Variants in GABRB3 observed in about 807,000 individuals in gnomAD.
The protein encoded by GABRB3 is gamma-aminobutyric acid type A receptor subunit beta3.
GABRB3 carries 14 observed loss-of-function variants against 52.1 expected under a neutral mutation model. The ratio of observed to expected loss-of-function variants is 0.27; its 90% CI spans 0.18 to 0.42. The LOEUF is 0.42. GABRB3 is among the 10% of genes least tolerant of loss of function. The pLI is 1.00. For synonymous variants in GABRB3, 260 were observed against 232.3 expected, an observed-to-expected ratio of 1.12 and a Z score of -1.08; for missense variants, 307 against 609.1, an observed-to-expected ratio of 0.50 and a Z score of 5.22.
rs1399353384 is a variant in GABRB3 at position 26,669,726 on chromosome 15, T to C, written c.241-48192A>G. On this transcript the variant is annotated intron_variant, in intron 3 of 8. Transcript: ENST00000311550. ...TTTCTCTTGGCTACTTAAATACTGG[T>C]CCAAGACTTCCTATTTCTGCTGTCT... is the stretch of plus-strand genomic sequence containing the variant. Among the ~76,000 whole-genome samples, 6 of 152,156 alleles carry C rather than the reference T, an allele frequency of 3.9e-5. No homozygotes were observed. The East Asian group carries it at 9.6e-4, about 24-fold the overall frequency.
At chr15:26,637,873 T>C (rs73368373) in intron 3 of GABRB3, among the ~76,000 whole-genome samples, 3,497 of 152,176 alleles carry the variant, frequency 0.023, 147 homozygotes, top group African/African-American at 0.079. Context: ...TTCAGCCCTC[T>C]GCTTGGAGGA....
intron 4 of GABRB3, among the ~76,000 whole-genome samples, chr15:26,584,371 G>A (rs952873062): frequency 4.6e-5 from 7 of 152,204 alleles, no homozygotes; most frequent in African/African-American, 7.2e-5. Flanking sequence ...GACTTTCCAC[G>A]GGAAGTGTTA....
intron 3 of GABRB3, among the ~76,000 whole-genome samples, chr15:26,673,241 T>G (rs565436122): frequency 6.6e-6 from 1 of 152,288 alleles, no homozygotes; most frequent in African/African-American, 2.4e-5. Context: ...CTTTTTTCCT[T>G]TCTTTCCTTC....
intron 3 of GABRB3, among the ~76,000 whole-genome samples, chr15:26,644,081 C>T (rs560407106): frequency 5.3e-5 from 8 of 152,266 alleles, no homozygotes; most frequent in Admixed American, 1.3e-4. Context: ...GGCCTACCAG[C>T]GGTTGCAGGG....
intron 3 of GABRB3, among the ~76,000 whole-genome samples, chr15:26,735,577 TAGTC>T (rs370811863): frequency 2.0e-3 from 312 of 152,306 alleles, no homozygotes; most frequent in African/African-American, 7.3e-3. Context: ...AAGGGAATAT[TAGTC>T]AGCCTTAAGC....
At chr15:26,649,695 T>TGTGC (rs1277727985) in intron 3 of GABRB3, among the ~76,000 whole-genome samples, 3 of 149,070 alleles carry the variant, frequency 2.0e-5, no homozygotes, top group Non-Finnish European at 4.5e-5. Flanking sequence ...TGTGTGTGTG[T>TGTGC]GAAATTAGAG....
intron 3 of GABRB3, among the ~76,000 whole-genome samples, chr15:26,731,639 AT>A (rs1251483431): frequency 6.6e-6 from 1 of 152,322 alleles, no homozygotes; most frequent in East Asian, 1.9e-4. Flanking sequence ...CCTCCCTGCC[AT>A]ATTCATATTC....
chr15:26,694,289 G>A (rs182114690), intron 3 of GABRB3, among the ~76,000 whole-genome samples: 80 of 152,214 alleles, frequency 5.3e-4, no homozygotes, highest in Admixed American at 3.5e-3. Flanking sequence ...GAGCTGAGAA[G>A]CACTTGTGAA....
At chr15:26,610,210 G>A (rs1892016973) in intron 4 of GABRB3, among the ~76,000 whole-genome samples, 1 of 152,010 alleles carries the variant, frequency 6.6e-6, no homozygotes, top group Admixed American at 6.6e-5. Context: ...TGTGGTTTTT[G>A]CCATTAAAAG....
intron 8 of GABRB3, among the ~76,000 whole-genome samples, chr15:26,556,022 C>T (rs1889738312): frequency 6.6e-6 from 1 of 152,072 alleles, no homozygotes; most frequent in South Asian, 2.1e-4. Flanking sequence ...CTAGAGTTTA[C>T]GTCTTAAAGT....
chr15:26,764,012 C>T (rs1409512788), intron 3 of GABRB3, among the ~76,000 whole-genome samples: 2 of 150,716 alleles, frequency 1.3e-5, no homozygotes, highest in East Asian at 3.9e-4. Flanking sequence ...TAGCCAGCCA[C>T]GGTGGCATGA....
At chr15:26,556,048 T>C (rs1889739841) in intron 8 of GABRB3, among the ~76,000 whole-genome samples, 1 of 152,206 alleles carries the variant, frequency 6.6e-6, no homozygotes. Context: ...GAAGCGATTG[T>C]GGGTGAAATA....
At chr15:26,700,119 A>T (rs1461408938) in intron 3 of GABRB3, among the ~76,000 whole-genome samples, 1 of 152,176 alleles carries the variant, frequency 6.6e-6, no homozygotes, top group African/African-American at 2.4e-5. Flanking sequence ...CAAACAAAAC[A>T]GAGAATAAAC....
chr15:26,631,835 A>C (rs934361232), intron 3 of GABRB3, among the ~76,000 whole-genome samples: 21 of 152,202 alleles, frequency 1.4e-4, no homozygotes, highest in African/African-American at 4.3e-4. Flanking sequence ...TTTGATGTTT[A>C]ATAATAAAAC....
chr15:26,554,174 A>AAAAG, intron 8 of GABRB3, among the ~76,000 whole-genome samples: 1 of 27,582 alleles, frequency 3.6e-5, no homozygotes, highest in Non-Finnish European at 6.9e-5. Flanking sequence ...TATATATATA[A>AAAAG]AGTATATATA....
In GABRB3 at chr15:26,559,079, G is replaced by A. The variant is rs12905074; in HGVS notation, c.1080+1853C>T. Among the ~76,000 whole-genome samples the A allele has an allele frequency of 5.9e-3, 903 of 152,224 alleles. 7 individuals are homozygous for A. The highest frequency in any genetic ancestry group is 0.024 in the Middle Eastern group (7 of 294). On this transcript the variant is annotated intron_variant, in intron 8 of 8. Coordinates refer to ENST00000311550, the MANE Select transcript of GABRB3 (RefSeq NM_000814.6). The stretch of plus-strand genomic sequence containing the variant: ...GGTATTAAACCATTCATGATAAACC[G>A]CCCTCATGATCCAATCATCTCCCAC...
chr15:26,742,769 A>T (rs1013823881), intron 3 of GABRB3, among the ~76,000 whole-genome samples: 10 of 152,106 alleles, frequency 6.6e-5, no homozygotes. Context: ...AAACTTTGTT[A>T]TTCTCACCCA....
intron 7 of GABRB3, among the ~76,000 whole-genome samples, chr15:26,566,980 TGAATAGA>T (rs1409006184): frequency 1.3e-5 from 2 of 152,228 alleles, no homozygotes; most frequent in Admixed American, 6.5e-5. Flanking sequence ...ATTAATCAGC[TGAATAGA>T]GAATAATGTT....
At chr15:26,684,776 G>A (rs577271568) in intron 3 of GABRB3, among the ~76,000 whole-genome samples, 8 of 152,270 alleles carry the variant, frequency 5.3e-5, no homozygotes, top group Non-Finnish European at 7.4e-5. Flanking sequence ...GATTCAGCTC[G>A]CCGTCTTCTA....
Sources: allele counts gnomAD v4.1 joint callset (sites outside exome capture counted in the v4.1 genomes callset), GRCh38; gene constraint gnomAD v4.1.1; transcripts MANE v1.5; gene names NCBI Gene and HGNC (gene_info 2026-07-23, HGNC 2026-07-21).